The following CNTNAP2 variants were observed in gnomAD, a reference collection of about 807,000 sequenced individuals.
CNTNAP2 encodes the protein contactin-associated protein-like 2.
In CNTNAP2, 98 loss-of-function variants were observed where a neutral mutation model predicts 155.2. That is an observed-to-expected ratio of 0.63 (90% confidence interval 0.54 to 0.75). The LOEUF (loss-of-function observed/expected upper bound fraction) is 0.75. Among genes scored for constraint, CNTNAP2 ranks in the 30% least tolerant of loss-of-function variants. CNTNAP2 has a pLI of 0.00. For missense variants in CNTNAP2, 1,727 were observed against 1,688.1 expected (o/e 1.02, Z -0.40); for synonymous variants, 651 against 631.2 (o/e 1.03, Z -0.47).
chr7:147,447,413 G>C (rs566206818), intron 10 of CNTNAP2, among the ~76,000 whole-genome samples: 1 of 152,106 alleles, frequency 6.6e-6, no homozygotes, highest in Admixed American at 6.6e-5. Context: ...TTGGGGTTAT[G>C]TTTACTTGCT....
intron 21 of CNTNAP2, among the ~76,000 whole-genome samples, chr7:148,318,865 T>C (rs6946212): frequency 0.33 from 50,091 of 152,120 alleles, 8,992 homozygotes; most frequent in East Asian, 0.49. Flanking sequence ...AATGGAATGA[T>C]GGTCAGAAAA....
intron 8 of CNTNAP2, among the ~76,000 whole-genome samples, chr7:147,296,815 A>G (rs1371336195): frequency 1.3e-5 from 2 of 152,152 alleles, no homozygotes; most frequent in African/African-American, 4.8e-5. Flanking sequence ...GATTGTTACT[A>G]TGGGCACCTG....
intron 9 of CNTNAP2, among the ~76,000 whole-genome samples, chr7:147,355,875 A>G (rs1024597756): frequency 2.6e-5 from 4 of 152,182 alleles, no homozygotes; most frequent in African/African-American, 9.7e-5. Flanking sequence ...AGCTGGTACC[A>G]TTCCTTCTGA....
chr7:147,619,042 A>G (rs778890013), intron 12 of CNTNAP2, among the ~76,000 whole-genome samples: 2 of 152,226 alleles, frequency 1.3e-5, no homozygotes, highest in Non-Finnish European at 2.9e-5. Flanking sequence ...TGTTTCAAAT[A>G]TACCATTAAA....
intron 3 of CNTNAP2, among the ~76,000 whole-genome samples, chr7:146,897,814 T>C (rs1475174078): frequency 6.6e-6 from 1 of 152,118 alleles, no homozygotes; most frequent in African/African-American, 2.4e-5. Flanking sequence ...ATCAGAGATA[T>C]ATTTGTCTAA....
intron 15 of CNTNAP2, among the ~76,000 whole-genome samples, chr7:148,015,789 C>T (rs1308980344): frequency 6.6e-6 from 1 of 152,082 alleles, no homozygotes; most frequent in East Asian, 1.9e-4. Context: ...ATTTTTCAAT[C>T]CAGAAGACAA....
intron 13 of CNTNAP2, among the ~76,000 whole-genome samples, chr7:147,841,145 C>A (rs981216790): frequency 1.3e-5 from 2 of 152,142 alleles, no homozygotes; most frequent in Admixed American, 6.5e-5. Flanking sequence ...GACAGAGAGA[C>A]AAAATGAGTA....
At chr7:146,793,379 G>A (rs183563100) in intron 2 of CNTNAP2, among the ~76,000 whole-genome samples, 1 of 152,300 alleles carries the variant, frequency 6.6e-6, no homozygotes, top group East Asian at 1.9e-4. Context: ...CTAGCAACAT[G>A]CCAAGTCTGA....
At chr7:147,614,708 T>A (rs1243562781) in intron 12 of CNTNAP2, among the ~76,000 whole-genome samples, 1 of 151,698 alleles carries the variant, frequency 6.6e-6, no homozygotes, top group African/African-American at 2.4e-5. Context: ...CTCTTTCTGA[T>A]GAAAAAAAAA....
chr7:148,049,592 T>C (rs1485879799), intron 15 of CNTNAP2, among the ~76,000 whole-genome samples: 1 of 152,162 alleles, frequency 6.6e-6, no homozygotes, highest in African/African-American at 2.4e-5. Flanking sequence ...TAACAGCAGT[T>C]CCATAAGATT....
At chr7:146,633,845 A>C (rs1013147964) in intron 1 of CNTNAP2, among the ~76,000 whole-genome samples, 5 of 151,274 alleles carry the variant, frequency 3.3e-5, no homozygotes, top group Non-Finnish European at 7.4e-5. Flanking sequence ...AAAAAAAAAA[A>C]AAAAAAAAAA....
intron 21 of CNTNAP2, among the ~76,000 whole-genome samples, chr7:148,270,457 G>A (rs1262760492): frequency 6.6e-6 from 1 of 152,168 alleles, no homozygotes; most frequent in East Asian, 1.9e-4. Flanking sequence ...TGGGTCCTTG[G>A]TGCACTGACT....
chr7:146,669,327 C>T (rs983203766), intron 1 of CNTNAP2, among the ~76,000 whole-genome samples: 2 of 152,128 alleles, frequency 1.3e-5, no homozygotes, highest in Non-Finnish European at 2.9e-5. Flanking sequence ...TAGTTTGACA[C>T]AAATCTGAAT....
intron 13 of CNTNAP2, among the ~76,000 whole-genome samples, chr7:147,895,448 G>T (rs1244986429): frequency 6.6e-6 from 1 of 152,132 alleles, no homozygotes; most frequent in African/African-American, 2.4e-5. Flanking sequence ...ATATTTGGCT[G>T]TTTTAATACA....
At chr7:146,479,105 G>A (rs570034559) in intron 1 of CNTNAP2, among the ~76,000 whole-genome samples, 3 of 152,292 alleles carry the variant, frequency 2.0e-5, no homozygotes, top group African/African-American at 7.2e-5. Flanking sequence ...ACTTCAGAGA[G>A]ATTGTCAGGA....
chr7:146,465,713 T>G (rs1464283235), intron 1 of CNTNAP2, among the ~76,000 whole-genome samples: 1 of 152,168 alleles, frequency 6.6e-6, no homozygotes, highest in African/African-American at 2.4e-5. Flanking sequence ...CTATCTTGTT[T>G]CAGAGTACTA....
At chr7:146,856,261 TATAGATAGATAGATAGATAGATAGATAG>T (rs72247117) in intron 3 of CNTNAP2, among the ~76,000 whole-genome samples, 2 of 135,198 alleles carry the variant, frequency 1.5e-5, no homozygotes, top group African/African-American at 5.4e-5. Flanking sequence ...AGATGATAGA[TATAGATAGATAGATAGATAGATAGATAG>T]ATAGATAGAT....
intron 1 of CNTNAP2, among the ~76,000 whole-genome samples, chr7:146,180,963 T>C (rs1157317083): frequency 6.6e-6 from 1 of 152,160 alleles, no homozygotes; most frequent in South Asian, 2.1e-4. Flanking sequence ...CATATGCTAC[T>C]GGTTTTCTTC....
chr7:148,062,304 G>T (rs923137350), intron 15 of CNTNAP2, among the ~76,000 whole-genome samples: 2 of 151,990 alleles, frequency 1.3e-5, no homozygotes, highest in Non-Finnish European at 2.9e-5. Context: ...AAGGTAGAAA[G>T]GATACTGAAT....
Sources: allele counts gnomAD v4.1 joint callset (sites outside exome capture counted in the v4.1 genomes callset), GRCh38; gene constraint gnomAD v4.1.1; transcripts MANE v1.5; gene names NCBI Gene and HGNC (gene_info 2026-07-23, HGNC 2026-07-21).